The following SETD7 variants were observed in gnomAD, a reference collection of about 807,000 sequenced individuals.
SETD7 encodes SET domain containing 7, histone lysine methyltransferase.
In SETD7, 16 loss-of-function variants were observed where a neutral mutation model predicts 41.8. That is an observed-to-expected ratio of 0.38 (90% CI 0.26 to 0.58). The LOEUF (loss-of-function observed/expected upper bound fraction) is 0.58. SETD7 is among the 20% of genes least tolerant of loss of function. The pLI, the probability that SETD7 is intolerant of heterozygous loss-of-function variation, is 0.64. For synonymous variants in SETD7, 163 were observed against 169.7 expected (o/e 0.96, Z 0.31); for missense variants, 346 against 459.7 (o/e 0.75, Z 2.26).
chr4:139,515,695 G>A (rs967456829), intron 7 of SETD7, among the ~76,000 whole-genome samples: 1 of 152,186 alleles, frequency 6.6e-6, no homozygotes, highest in South Asian at 2.1e-4. Context: ...TAGCTTCAGT[G>A]CTTGTTAAGG....
chr4:139,500,049 C>T (rs889756171), intron 7 of SETD7, among the ~76,000 whole-genome samples: 6 of 152,164 alleles, frequency 3.9e-5, no homozygotes, highest in Non-Finnish European at 7.3e-5. Flanking sequence ...ATTCTAAAGG[C>T]TCTTGTGTAT....
intron 7 of SETD7, among the ~76,000 whole-genome samples, chr4:139,514,789 A>G (rs1726979383): frequency 6.6e-6 from 1 of 152,174 alleles, no homozygotes; most frequent in Non-Finnish European, 1.5e-5. Context: ...CTAGGAAAGC[A>G]GCTCTTATCT....
chr4:139,505,503 C>T (rs1013033911), downstream of SETD7, among the ~76,000 whole-genome samples: 8 of 151,986 alleles, frequency 5.3e-5, no homozygotes, highest in Non-Finnish European at 7.4e-5. Context: ...GCAGGAGAGT[C>T]GCTTGAATCC....
At position 139,506,463 on chromosome 4, in the gene SETD7, G is replaced by A. The variant is rs1164894780; in HGVS notation, c.*5200C>T. ...ATAAAGAGAGAACATAGAACACCCA[G>A]GAGGAAACTTTTGAAGAAGGGAGCT... On this transcript the variant is annotated 3_prime_UTR_variant, in exon 8 of 8. Transcript: ENST00000274031. 3 of 152,568 alleles carry A rather than the reference G, an allele frequency of 2.0e-5. No homozygotes were observed. The highest frequency in any genetic ancestry group is 2.0e-4 in the Admixed American group (3 of 15,282). The allele number at this position is 152,568 out of a possible 1,614,324, so 9.5% of individuals were successfully genotyped here.
At chr4:139,547,997 T>C (rs1425290870) in intron 1 of SETD7, 1 of 152,232 alleles carries the variant, frequency 6.6e-6, no homozygotes, top group Non-Finnish European at 1.5e-5. Flanking sequence ...TATCTACATG[T>C]TTTACAAAAC....
chr4:139,522,741 CTTTTT>C (rs11357611), intron 5 of SETD7, among the ~76,000 whole-genome samples: 2 of 93,450 alleles, frequency 2.1e-5, no homozygotes, highest in Non-Finnish European at 3.8e-5. Context: ...CCCAGCTGCT[CTTTTT>C]TTTTTTTTTT....
Position 139,555,673 on chromosome 4 carries a change from G to A in SETD7, c.40+425C>T, listed in dbSNP as rs993082400. 2.0e-5 allele frequency among the ~76,000 whole-genome samples: 3 copies of A among 152,102 alleles called. No homozygotes were observed. The highest frequency in any genetic ancestry group is 4.4e-5 in the Non-Finnish European group (3 of 67,996). Reference sequence around the variant, plus strand: ...GCAGAAGGGAAGGGCTGGCGGCCGGGAGGGGATCGGGGTGGCCAAAACTGG... The same window carrying A: ...GCAGAAGGGAAGGGCTGGCGGCCGGAAGGGGATCGGGGTGGCCAAAACTGG... On this transcript the variant is annotated intron_variant, in intron 1 of 7. Coordinates refer to ENST00000274031, the MANE Select transcript of SETD7 (RefSeq NM_030648.4). The surrounding 1 kb of genome is among the most constrained non-coding windows in gnomAD (Gnocchi z 4.0).
chr4:139,516,481 AAAAAAAC>A (rs1727030037), intron 7 of SETD7, among the ~76,000 whole-genome samples: 1 of 151,518 alleles, frequency 6.6e-6, no homozygotes, highest in South Asian at 2.1e-4. Flanking sequence ...AAAAAAAAAA[AAAAAAAC>A]AATGAAAAAG....
In SETD7 at chr4:139,547,038, C is replaced by T. The variant is rs747992989; in HGVS notation, c.52G>A (p.Asp18Asn). Residue 18 changes from aspartate to asparagine, a missense_variant, in exon 2 of 8, where the codon GAT (aspartate) becomes AAT (asparagine). Asp to Asn is a conservative substitution (Grantham distance 23). Coordinates refer to ENST00000274031, the MANE Select transcript of SETD7 (RefSeq NM_030648.4). ...VEEAVEGHLD[D>N]DGLPHGFCTV... ...CAGAACCCGTGCGGTAATCCGTCATCGTCCAGGTGCCCTGGAGAAAGGGAA... is the reference window on the plus strand; with the variant it reads ...CAGAACCCGTGCGGTAATCCGTCATTGTCCAGGTGCCCTGGAGAAAGGGAA... 8.7e-6 allele frequency: 14 copies of T among 1,613,978 alleles called. No homozygotes were observed. Among genetic ancestry groups the T allele is most frequent in the East Asian group, 4.5e-5 (2 of 44,876 alleles).
rs1262847689 is a variant in SETD7 at position 139,506,844 on chromosome 4, T to C, written c.*4819A>G. On this transcript the variant is annotated 3_prime_UTR_variant, in exon 8 of 8. Transcript: ENST00000274031. Reference sequence around the variant, plus strand: ...CATTTAACAACTTTGAACAACTGTGTGTAAAGTCACAGACAGAGGAAGCAA... The same window carrying C: ...CATTTAACAACTTTGAACAACTGTGCGTAAAGTCACAGACAGAGGAAGCAA... 1.3e-5 allele frequency: 2 copies of C among 152,614 alleles called. No homozygotes were observed. The highest frequency in any genetic ancestry group is 2.9e-5 in the Non-Finnish European group (2 of 68,030). The allele number at this position is 152,614 out of a possible 1,614,324, so 9.5% of individuals were successfully genotyped here.
chr4:139,549,593 C>T (rs1375128152), intron 1 of SETD7, among the ~76,000 whole-genome samples: 1 of 150,884 alleles, frequency 6.6e-6, no homozygotes, highest in African/African-American at 2.4e-5. Flanking sequence ...CCCTCCTTCC[C>T]TCTTTCTCTT....
intron 2 of SETD7, among the ~76,000 whole-genome samples, chr4:139,539,407 G>A (rs1727725811): frequency 6.6e-6 from 1 of 152,164 alleles, no homozygotes; most frequent in African/African-American, 2.4e-5. Context: ...CAACCCATCT[G>A]CTAGAACTAT....
At chr4:139,498,735 A>G (rs1052362835) in intron 7 of SETD7, among the ~76,000 whole-genome samples, 1 of 152,184 alleles carries the variant, frequency 6.6e-6, no homozygotes, top group Non-Finnish European at 1.5e-5. Flanking sequence ...CCCAAGGCAG[A>G]TCCTGCCAAC....
At chr4:139,532,848 C>A in intron 3 of SETD7, 1 of 405,956 alleles carries the variant, frequency 2.5e-6, no homozygotes, top group Non-Finnish European at 4.4e-6. Flanking sequence ...CTCTATGTGC[C>A]AAAAGAATTA....
chr4:139,497,390 G>A (rs1579193146), intron 7 of SETD7, among the ~76,000 whole-genome samples: 1 of 151,834 alleles, frequency 6.6e-6, no homozygotes, highest in East Asian at 2.0e-4. Context: ...GGGAGGCGGA[G>A]GTTGCAGTGA....
intron 6 of SETD7, among the ~76,000 whole-genome samples, chr4:139,518,359 C>T (rs1034570880): frequency 6.6e-6 from 1 of 152,114 alleles, no homozygotes; most frequent in African/African-American, 2.4e-5. Context: ...GAACTCCTGA[C>T]CTCAGATGAT....
chr4:139,524,113 G>A (rs575641412), intron 4 of SETD7, among the ~76,000 whole-genome samples: 1 of 152,310 alleles, frequency 6.6e-6, no homozygotes, highest in African/African-American at 2.4e-5. Flanking sequence ...TTTAGAATCA[G>A]AGGGCTTACT....
rs960800751 is a variant in SETD7, at chr4:139,511,123, G to A, written c.*540C>T. The A allele has an allele frequency of 3.2e-5, 5 of 154,574 alleles. No homozygotes were observed. The highest frequency in any genetic ancestry group is 5.7e-5 in the Non-Finnish European group (4 of 69,860). The allele number at this position is 154,574 out of a possible 1,614,324, so 9.6% of individuals were successfully genotyped here. On this transcript the variant is annotated 3_prime_UTR_variant, in exon 8 of 8. Transcript: ENST00000274031. ...GCTGAGGGGTGAAATGACTTTAGAA[G>A]TGGGCTCCTATTTACTAAGAAAAAA...
intron 2 of SETD7, among the ~76,000 whole-genome samples, chr4:139,538,277 A>C (rs1184107424): frequency 6.6e-6 from 1 of 152,232 alleles, no homozygotes; most frequent in African/African-American, 2.4e-5. Flanking sequence ...ACTAAGATGC[A>C]GAAAGTAGAA....
Sources: allele counts gnomAD v4.1 joint callset (sites outside exome capture counted in the v4.1 genomes callset), GRCh38; gene constraint gnomAD v4.1.1; non-coding constraint Gnocchi (gnomAD v3.1); transcripts MANE v1.5; gene names NCBI Gene and HGNC (gene_info 2026-07-23, HGNC 2026-07-21).